The following PCSK6 variants were observed in gnomAD, a reference collection of about 807,000 sequenced individuals.
The protein encoded by PCSK6 is proprotein convertase subtilisin/kexin type 6.
PCSK6 carries 85 observed loss-of-function variants against 123.3 expected under a neutral mutation model. The observed-to-expected ratio is 0.69, with a 90% confidence interval of 0.58 to 0.83. PCSK6 has a LOEUF of 0.83. PCSK6 is among the 40% of genes least tolerant of loss of function. The pLI is 0.00. For synonymous variants in PCSK6, 508 were observed against 516.0 expected (o/e 0.98, Z 0.21); for missense variants, 1,191 against 1,282.3 (o/e 0.93, Z 1.09).
intron 13 of PCSK6, 76 bp from the exon 14 acceptor site, chr15:101,332,107 G>A: frequency 2.3e-6 from 3 of 1,321,450 alleles, no homozygotes; most frequent in Non-Finnish European, 3.1e-6. Context: ...GCCAGATGCT[G>A]CCTGGCTCCT....
At chr15:101,427,109 G>A (rs147494709) in intron 6 of PCSK6, among the ~76,000 whole-genome samples, 290 of 152,334 alleles carry the variant, frequency 1.9e-3, no homozygotes, top group African/African-American at 6.0e-3. Flanking sequence ...GTGGGGAATA[G>A]GAAGACATTC....
chr15:101,466,076 G>A (rs138740525), intron 1 of PCSK6, among the ~76,000 whole-genome samples: 213 of 152,118 alleles, frequency 1.4e-3, no homozygotes, highest in Non-Finnish European at 2.3e-3. Flanking sequence ...AACAATGTCC[G>A]TGCTCCAAAG....
chr15:101,489,655 G>C lies in PCSK6; in HGVS notation c.16C>G (p.Pro6Ala). 1.0e-6 allele frequency: 1 copy of C among 976,928 alleles called. No homozygotes were observed. 60.5% of individuals were successfully genotyped at this position (976,928 alleles called of 1,614,324 possible). A position where few individuals can be genotyped will look rare whatever the true frequency, so the allele number is the denominator to read the frequency against. ...GGCGGCCGGGGCCCGGGCGCAGGCG[G>C]CGCGCGCGGAGGCATAGCGGCGACA... MPPRA[P>A]PAPGPRPPPR... The change falls in exon 1 of 22, where the codon CCG becomes GCG. Residue 6 changes from proline (P) to alanine (A), a missense_variant. Pro to Ala is a conservative substitution (Grantham distance 27). Transcript: ENST00000611716.
At chr15:101,356,232 T>C (rs1214358506) in intron 13 of PCSK6, among the ~76,000 whole-genome samples, 1 of 152,144 alleles carries the variant, frequency 6.6e-6, no homozygotes, top group African/African-American at 2.4e-5. Flanking sequence ...GTTCGTAGCC[T>C]TGCAGGCTCT....
At chr15:101,391,293 G>A (rs2042227408) in intron 8 of PCSK6, among the ~76,000 whole-genome samples, 1 of 152,252 alleles carries the variant, frequency 6.6e-6, no homozygotes, top group Non-Finnish European at 1.5e-5. Flanking sequence ...ATGTACTTGG[G>A]CTTGGTAAAT....
intron 1 of PCSK6, among the ~76,000 whole-genome samples, chr15:101,466,846 G>A (rs2057472552): frequency 1.3e-5 from 2 of 152,106 alleles, no homozygotes; most frequent in Non-Finnish European, 2.9e-5. Flanking sequence ...AGGGTTAAGG[G>A]AGTGGGGTAG....
chr15:101,312,970 A>C (rs139390103), intron 20 of PCSK6: 1 of 1,073,690 alleles, frequency 9.3e-7, no homozygotes, highest in Admixed American at 4.2e-5. Context: ...ACACCAGTGC[A>C]CTCCAGCCTG....
intron 9 of PCSK6, among the ~76,000 whole-genome samples, chr15:101,387,150 T>C (rs945889847): frequency 6.6e-6 from 1 of 152,178 alleles, no homozygotes; most frequent in African/African-American, 2.4e-5. Context: ...TCCAGGACTT[T>C]CCCTGCCAGG....
At chr15:101,464,188 C>CTT (rs947040012) in intron 1 of PCSK6, among the ~76,000 whole-genome samples, 1 of 152,164 alleles carries the variant, frequency 6.6e-6, no homozygotes, top group African/African-American at 2.4e-5. Context: ...AGCTGGTGCC[C>CTT]TTTCTCCACA....
intron 13 of PCSK6, among the ~76,000 whole-genome samples, chr15:101,351,050 G>C (rs183200282): frequency 2.6e-5 from 4 of 152,290 alleles, no homozygotes; most frequent in Non-Finnish European, 1.5e-5. Context: ...GTCATTATCT[G>C]TGCTTCAGGG....
At chr15:101,333,288 G>A (rs191395128) in intron 13 of PCSK6, among the ~76,000 whole-genome samples, 10 of 152,294 alleles carry the variant, frequency 6.6e-5, no homozygotes, top group Non-Finnish European at 1.2e-4. Context: ...CGGGGCTCCC[G>A]GACGCCCCAG....
intron 6 of PCSK6, among the ~76,000 whole-genome samples, chr15:101,406,219 CA>C (rs1474012484): frequency 6.5e-3 from 32 of 4,954 alleles, no homozygotes; most frequent in Admixed American, 0.018. Flanking sequence ...CCCACACACC[CA>C]CACACACACA....
intron 6 of PCSK6, among the ~76,000 whole-genome samples, chr15:101,419,936 C>T (rs193228372): frequency 1.9e-4 from 29 of 151,980 alleles, no homozygotes; most frequent in African/African-American, 5.8e-4. Flanking sequence ...CCTGTAATCC[C>T]AGTACTTTGG....
At chr15:101,314,363 GA>G (rs2039938613) in intron 19 of PCSK6, among the ~76,000 whole-genome samples, 1 of 152,188 alleles carries the variant, frequency 6.6e-6, no homozygotes, top group Non-Finnish European at 1.5e-5. Flanking sequence ...GGACGTCAGA[GA>G]GGGGCAGTGA....
chr15:101,346,811 T>C, intron 13 of PCSK6: 1 of 1,231,480 alleles, frequency 8.1e-7, no homozygotes, highest in Non-Finnish European at 1.0e-6. Context: ...TGTTATGCTT[T>C]CTACTGGAGA....
chr15:101,312,804 C>T (rs1043417698), intron 20 of PCSK6, among the ~76,000 whole-genome samples: 5 of 140,086 alleles, frequency 3.6e-5, no homozygotes, highest in African/African-American at 1.5e-4. Flanking sequence ...GCGCTCCAGC[C>T]TGGGCGACAG....
At chr15:101,488,455 C>T (rs572528109) in intron 1 of PCSK6, among the ~76,000 whole-genome samples, 1 of 152,330 alleles carries the variant, frequency 6.6e-6, no homozygotes, top group East Asian at 1.9e-4. Context: ...AGGGCGTGGC[C>T]TGCTTGCTCA....
chr15:101,461,843 AAAAC>A (rs2141207773), intron 1 of PCSK6, among the ~76,000 whole-genome samples: 1 of 152,332 alleles, frequency 6.6e-6, no homozygotes, highest in South Asian at 2.1e-4. Flanking sequence ...GCATTTACAA[AAAAC>A]AAACAGCAAA....
chr15:101,365,331 T>C (rs919047439), intron 13 of PCSK6, among the ~76,000 whole-genome samples: 13 of 152,224 alleles, frequency 8.5e-5, no homozygotes, highest in African/African-American at 3.1e-4. Flanking sequence ...AGGTGCATCA[T>C]CAGGCAATTG....
Sources: gnomAD v4.1 joint callset for allele counts (sites outside exome capture counted in the v4.1 genomes callset) on GRCh38, gnomAD v4.1.1 for gene constraint, MANE v1.5 for transcripts, NCBI Gene and HGNC (gene_info 2026-07-23, HGNC 2026-07-21) for gene names.